The following DLEC1 variants were observed in gnomAD, a reference collection of about 807,000 sequenced individuals.
The protein encoded by DLEC1 is deleted in lung and esophageal cancer protein 1.
A neutral mutation model predicts 198.1 loss-of-function variants in DLEC1; 146 were observed. The ratio of observed to expected loss-of-function variants is 0.74; its 90% confidence interval spans 0.64 to 0.85. The LOEUF is 0.85. Among genes scored for constraint, DLEC1 ranks in the 40% least tolerant of loss-of-function variants. DLEC1 has a pLI of 0.00. For synonymous variants in DLEC1, 897 were observed against 866.8 expected, an observed-to-expected ratio of 1.03 and a Z score of -0.61; for missense variants, 2,233 against 2,220.0, an observed-to-expected ratio of 1.01 and a Z score of -0.12.
chr3:38,118,727 TTTC>T (rs1438881555), intron 33 of DLEC1, among the ~76,000 whole-genome samples: 2 of 151,962 alleles, frequency 1.3e-5, no homozygotes, highest in Admixed American at 6.6e-5. Context: ...AGAGGCCCTC[TTTC>T]TTCTTCTCGG....
At chr3:38,081,655 C>T (rs1425826916) in intron 6 of DLEC1, among the ~76,000 whole-genome samples, 5 of 88,158 alleles carry the variant, frequency 5.7e-5, no homozygotes, top group South Asian at 3.4e-4. Context: ...GGCGGCTGGC[C>T]GGGTGGGGGG....
Position 38,112,305 on chromosome 3 carries a change from G to T in DLEC1, c.3610G>T (p.Asp1204Tyr). 1 of 1,614,144 alleles carries T rather than the reference G, an allele frequency of 6.2e-7. No homozygotes were observed. Among genetic ancestry groups the T allele is most frequent in the South Asian group, 1.1e-5 (1 of 91,080 alleles). Reference sequence around the variant, plus strand: ...GGGGCCCTACCAGCAGCTGTGCATTGACATCACAGGCTGTGCCAACATGTG... The same window carrying T: ...GGGGCCCTACCAGCAGCTGTGCATTTACATCACAGGCTGTGCCAACATGTG... The part of the protein sequence containing the change: ...MLGPYQQLCI[D>Y]ITGCANMWGE... The change falls in exon 25 of 37, where the codon GAC becomes TAC. Residue 1204 changes from aspartate to tyrosine, a missense_variant. By Grantham distance (160) the Asp-to-Tyr change is radical. Coordinates refer to ENST00000308059, the MANE Select transcript of DLEC1 (RefSeq NM_007335.4). The surrounding 1 kb of genome is among the most constrained non-coding windows in gnomAD (Gnocchi z 4.8).
At chr3:38,114,938 G>A (rs1242438045) in intron 26 of DLEC1, 45 bp from the exon 27 acceptor site, 2 of 1,581,352 alleles carry the variant, frequency 1.3e-6, no homozygotes, top group East Asian at 2.3e-5. Flanking sequence ...CCTGCAAGGT[G>A]TACGCTGGCT....
chr3:38,043,898 T>A (rs1327676526), intron 1 of DLEC1, among the ~76,000 whole-genome samples: 1 of 152,028 alleles, frequency 6.6e-6, no homozygotes, highest in African/African-American at 2.4e-5. Context: ...TAAATAAATC[T>A]TTGCGATCCC....
At chr3:38,104,110 G>C (rs1419973363) in intron 19 of DLEC1, among the ~76,000 whole-genome samples, 2 of 152,162 alleles carry the variant, frequency 1.3e-5, no homozygotes, top group South Asian at 2.1e-4. Context: ...ATAAAGCAGA[G>C]CATAATAACA....
intron 8 of DLEC1, 120 bp downstream of exon 8, chr3:38,085,567 C>T (rs1195223793): frequency 8.9e-6 from 11 of 1,237,084 alleles, no homozygotes; most frequent in South Asian, 4.3e-5. Flanking sequence ...GGGCAGGGGC[C>T]GTGGGTCCTG....
intron 6 of DLEC1, among the ~76,000 whole-genome samples, chr3:38,078,005 A>T (rs1218819296): frequency 6.6e-6 from 1 of 152,210 alleles, no homozygotes; most frequent in Non-Finnish European, 1.5e-5. Flanking sequence ...TGTGGCGATT[A>T]GGCCTGGTGG....
intron 24 of DLEC1, 26 bp downstream of exon 24, chr3:38,111,773 G>C (rs750466132): frequency 3.3e-5 from 53 of 1,603,824 alleles, no homozygotes; most frequent in Non-Finnish European, 1.4e-5. Flanking sequence ...GTGGGGCTTC[G>C]GGGCCCAGGC....
At chr3:38,091,135 G>A (rs1243907385) in intron 10 of DLEC1, among the ~76,000 whole-genome samples, 2 of 152,118 alleles carry the variant, frequency 1.3e-5, no homozygotes, top group Non-Finnish European at 2.9e-5. Flanking sequence ...TATGACATTG[G>A]TCTGGGCAAT....
chr3:38,059,451 C>T (rs75303094), intron 2 of DLEC1, among the ~76,000 whole-genome samples: 1,961 of 152,096 alleles, frequency 0.013, 38 homozygotes, highest in African/African-American at 0.043. Flanking sequence ...AAGTGAAGAA[C>T]TGGGACCTTT....
At chr3:38,106,628 T>C (rs1009837926) in intron 19 of DLEC1, among the ~76,000 whole-genome samples, 2 of 151,966 alleles carry the variant, frequency 1.3e-5, no homozygotes, top group Non-Finnish European at 2.9e-5. Context: ...TGGTGGCACA[T>C]GCCTGTAGTC....
intron 3 of DLEC1, 89 bp from the exon 4 acceptor site, chr3:38,062,078 CTG>C (rs1696715211): frequency 7.7e-7 from 1 of 1,300,588 alleles, no homozygotes. Context: ...ATCAAGCTAA[CTG>C]TGGCTTTGGT....
intron 6 of DLEC1, among the ~76,000 whole-genome samples, chr3:38,079,057 G>A (rs970228332): frequency 3.9e-5 from 6 of 152,164 alleles, no homozygotes; most frequent in Non-Finnish European, 8.8e-5. Context: ...AGGTTTTAAT[G>A]AGATGGTAAG....
Position 38,097,550 on chromosome 3 carries a change from T to A in DLEC1, c.2478T>A (p.Gly826=). 1 of 1,613,964 alleles carries A rather than the reference T, an allele frequency of 6.2e-7. No homozygotes were observed. The highest frequency in any genetic ancestry group is 2.2e-5 in the East Asian group (1 of 44,878). The change falls in exon 17 of 37, where the codon GGT becomes GGA. Residue 826 remains glycine (G), a synonymous_variant. Coordinates refer to ENST00000308059, the MANE Select transcript of DLEC1 (RefSeq NM_007335.4). ...VGDFELNFTG[G]VPGPTSQDLL... ...ATTTTGAGTTGAACTTTACTGGGGGTGTCCCTGGCCCCACAAGCCAGGACC... is the reference window on the plus strand; with the variant it reads ...ATTTTGAGTTGAACTTTACTGGGGGAGTCCCTGGCCCCACAAGCCAGGACC...
At position 38,118,037 on chromosome 3, in the gene DLEC1, G is replaced by A; in HGVS notation, c.4704+13G>A. The A allele has an allele frequency of 6.3e-7, 1 of 1,581,010 alleles. No individual in the cohort carries two copies. The highest frequency in any genetic ancestry group is 8.6e-7 in the Non-Finnish European group (1 of 1,164,152). On this transcript the variant is annotated intron_variant, in intron 33 of 36. Transcript: ENST00000308059. ...GGAGAACATGCTGGTCAGTGGGGGA[G>A]TCTGCAGCCCTTGCCTCGATGGCAC... is the stretch of plus-strand genomic sequence containing the variant.
chr3:38,059,081 C>T (rs1696537379), intron 2 of DLEC1, among the ~76,000 whole-genome samples: 2 of 152,166 alleles, frequency 1.3e-5, no homozygotes, highest in Admixed American at 1.3e-4. Flanking sequence ...CCTTTCCTCT[C>T]TTGAGATTTT....
chr3:38,095,384 C>T (rs1233266618), intron 13 of DLEC1: 2 of 387,404 alleles, frequency 5.2e-6, no homozygotes, highest in African/African-American at 4.0e-5. Flanking sequence ...CACAGCATCC[C>T]CTAGAGAGAG....
intron 13 of DLEC1, chr3:38,095,455 C>T (rs1255282099): frequency 3.3e-6 from 1 of 306,408 alleles, no homozygotes. Flanking sequence ...GGAGGGAAGC[C>T]CTGTGGGCCA....
chr3:38,106,643 C>T (rs1699580318), intron 19 of DLEC1, among the ~76,000 whole-genome samples: 1 of 151,386 alleles, frequency 6.6e-6, no homozygotes, highest in Admixed American at 6.6e-5. Flanking sequence ...GTAGTCCCAG[C>T]TACTCGGGAG....
Sources: allele counts gnomAD v4.1 joint callset (sites outside exome capture counted in the v4.1 genomes callset), GRCh38; gene constraint gnomAD v4.1.1; non-coding constraint Gnocchi (gnomAD v3.1); transcripts MANE v1.5; gene names NCBI Gene and HGNC (gene_info 2026-07-23, HGNC 2026-07-21).